The following AKNAD1 variants were observed in gnomAD, a reference collection of about 807,000 sequenced individuals.
AKNAD1 encodes AKNA domain containing 1, also known as protein AKNAD1.
AKNAD1 carries 67 observed loss-of-function variants against 90.8 expected under a neutral mutation model. The observed-to-expected ratio is 0.74, with a 90% CI of 0.61 to 0.90. The LOEUF (loss-of-function observed/expected upper bound fraction) is 0.90. Ranked by LOEUF, AKNAD1 falls within the 40% of genes least tolerant of loss-of-function variation. AKNAD1 has a pLI of 0.00. For synonymous variants in AKNAD1, 327 were observed against 341.4 expected (o/e 0.96, Z 0.46); for missense variants, 957 against 975.4 (o/e 0.98, Z 0.25).
rs761584896 is a variant in AKNAD1, at chr1:108,828,303, G to A, written c.1839-1001C>T. Among the ~76,000 whole-genome samples, 13 of 151,646 alleles carry A rather than the reference G, an allele frequency of 8.6e-5. 1 individual carries two copies. Among genetic ancestry groups the A allele is most frequent in the Admixed American group, 2.0e-4 (3 of 15,134 alleles). ...TAGTTGCACATGGCCACCAGGTGGC[G>A]TCAGAAAGAAGCAACTGCAATGGAC... On this transcript the variant is annotated intron_variant, in intron 10 of 15. Coordinates refer to ENST00000370001, the MANE Select transcript of AKNAD1 (RefSeq NM_152763.5).
intron 1 of AKNAD1, among the ~76,000 whole-genome samples, chr1:108,855,187 G>C (rs529529686): frequency 6.6e-6 from 1 of 152,214 alleles, no homozygotes; most frequent in South Asian, 2.1e-4. Flanking sequence ...GCCGAGGCAG[G>C]TGGATCACGA....
intron 14 of AKNAD1, among the ~76,000 whole-genome samples, chr1:108,819,481 G>A (rs1046058788): frequency 6.6e-6 from 1 of 150,448 alleles, no homozygotes; most frequent in African/African-American, 2.4e-5. Context: ...GTAGCTAGCT[G>A]TGGTATCACA....
chr1:108,830,523 A>G (rs765731018), intron 10 of AKNAD1, 36 bp downstream of exon 10: 5 of 1,602,828 alleles, frequency 3.1e-6, no homozygotes, highest in East Asian at 2.2e-5. Context: ...ACTGACTCCA[A>G]TCCACCCTGG....
At chr1:108,818,488 A>G (rs1489383087) in intron 14 of AKNAD1, among the ~76,000 whole-genome samples, 1 of 152,170 alleles carries the variant, frequency 6.6e-6, no homozygotes, top group Non-Finnish European at 1.5e-5. Context: ...TCCACTGTCA[A>G]CAGTATAACA....
At chr1:108,830,065 T>TG (rs972159828) in intron 10 of AKNAD1, among the ~76,000 whole-genome samples, 5 of 152,128 alleles carry the variant, frequency 3.3e-5, no homozygotes, top group African/African-American at 1.2e-4. Flanking sequence ...TTCCTGGGAC[T>TG]GGGGGGCTCA....
At chr1:108,817,412 T>A (rs185421032) in intron 14 of AKNAD1, 2 of 345,840 alleles carry the variant, frequency 5.8e-6, no homozygotes, top group Non-Finnish European at 1.0e-5. Context: ...CTCCTTTTCC[T>A]CTAGTACAGA....
chr1:108,823,645 T>C lies in AKNAD1; in HGVS notation c.1980A>G (p.Glu660=). 1 of 1,614,138 alleles carries C rather than the reference T, an allele frequency of 6.2e-7. No individual in the cohort carries two copies. Among genetic ancestry groups the C allele is most frequent in the African/African-American group, 1.3e-5 (1 of 75,014 alleles). Residue 660 remains glutamate (E), a synonymous_variant, in exon 12 of 16, where the codon GAA becomes GAG. Transcript: ENST00000370001. ...AGTCCTGACATTTGTTACTCTGCAT[T>C]TCAGTGCCAGAATCAGAACAGAAGC... ...GHSFCSDSGT[E]MQSNKCQDCG... is the part of the protein sequence containing the mutation.
intron 11 of AKNAD1, among the ~76,000 whole-genome samples, chr1:108,826,810 G>A (rs1207564798): frequency 1.4e-5 from 2 of 147,514 alleles, no homozygotes; most frequent in South Asian, 2.2e-4. Context: ...CATGATCATG[G>A]CTCACTGCAG....
intron 1 of AKNAD1, among the ~76,000 whole-genome samples, chr1:108,854,772 G>C (rs1664983792): frequency 6.6e-6 from 1 of 152,200 alleles, no homozygotes; most frequent in South Asian, 2.1e-4. Flanking sequence ...AAGGGAAAAG[G>C]CTTCCCAAGA....
In AKNAD1 at chr1:108,852,434, A is replaced by G; in HGVS notation, c.231T>C (p.Thr77=). The part of the protein sequence containing the change: ...TAVTIPLGKI[T]ENAANKKDEK... The stretch of plus-strand genomic sequence containing the variant: ...CGTCTTTTTTGTTGGCAGCATTTTC[A>G]GTAATTTTACCCAGGGGTATGGTCA... Residue 77 remains threonine (T), a synonymous_variant, in exon 2 of 16, where the codon ACT becomes ACC. Transcript: ENST00000370001. 1.2e-6 allele frequency: 2 copies of G among 1,613,792 alleles called. No homozygotes were observed. Among genetic ancestry groups the G allele is most frequent in the Non-Finnish European group, 1.7e-6 (2 of 1,179,898 alleles).
rs1416223588 is a variant in AKNAD1 at position 108,823,482 on chromosome 1, G to A, written c.2060-5C>T. On this transcript the variant is annotated splice_polypyrimidine_tract_variant and splice_region_variant and intron_variant, in intron 12 of 15. Coordinates refer to ENST00000370001, the MANE Select transcript of AKNAD1 (RefSeq NM_152763.5). ...TGTTGTATCTATAATGAAATTCTGG[G>A]AAGAAAAGATTAAAAATACAGTTAA... 2 of 1,612,826 alleles carry A rather than the reference G, an allele frequency of 1.2e-6. No homozygotes were observed. The highest frequency in any genetic ancestry group is 1.1e-5 in the South Asian group (1 of 91,064).
At chr1:108,827,139 C>T (rs1027251764) in intron 11 of AKNAD1, 66 bp downstream of exon 11, 1 of 1,192,760 alleles carries the variant, frequency 8.4e-7, no homozygotes, top group African/African-American at 1.5e-5. Flanking sequence ...CTGGTGCCTA[C>T]TGCGAGCAGA....
At chr1:108,848,540 G>C (rs1051980254) in intron 5 of AKNAD1, among the ~76,000 whole-genome samples, 2 of 152,152 alleles carry the variant, frequency 1.3e-5, no homozygotes, top group Non-Finnish European at 1.5e-5. Flanking sequence ...ATAGCCATAA[G>C]TAATAGATCC....
chr1:108,834,266 G>A (rs575483588), intron 9 of AKNAD1, among the ~76,000 whole-genome samples, 181 bp downstream of exon 9: 2 of 152,274 alleles, frequency 1.3e-5, no homozygotes, highest in Admixed American at 1.3e-4. Flanking sequence ...TCTCAGGAGT[G>A]CAGAAAGTGG....
intron 13 of AKNAD1, 196 bp downstream of exon 13, chr1:108,823,174 C>T: frequency 1.4e-6 from 1 of 719,990 alleles, no homozygotes. Flanking sequence ...TCATATTTTC[C>T]AGCCCCAGCT....
At chr1:108,823,141 C>G in intron 13 of AKNAD1, 2 of 713,130 alleles carry the variant, frequency 2.8e-6, no homozygotes, top group Non-Finnish European at 5.2e-6. Context: ...TAATAACTTT[C>G]AAAGTCCTTG....
At chr1:108,823,911 A>G (rs1663906335) in intron 11 of AKNAD1, among the ~76,000 whole-genome samples, 1 of 152,200 alleles carries the variant, frequency 6.6e-6, no homozygotes, top group Non-Finnish European at 1.5e-5. Flanking sequence ...CTTGTATGAA[A>G]ATCTCAAGAT....
chr1:108,842,776 G>A (rs1372347516), intron 6 of AKNAD1, among the ~76,000 whole-genome samples: 1 of 152,064 alleles, frequency 6.6e-6, no homozygotes, highest in East Asian at 1.9e-4. Flanking sequence ...TTGAGAAGAG[G>A]GCCCTCTGTG....
chr1:108,850,282 A>G (rs1664811216), intron 2 of AKNAD1, among the ~76,000 whole-genome samples: 1 of 152,226 alleles, frequency 6.6e-6, no homozygotes, highest in South Asian at 2.1e-4. Flanking sequence ...TATGACGGAT[A>G]TGAAACCTGC....
Sources: gnomAD v4.1 joint callset for allele counts (sites outside exome capture counted in the v4.1 genomes callset) on GRCh38, gnomAD v4.1.1 for gene constraint, MANE v1.5 for transcripts, NCBI Gene and HGNC (gene_info 2026-07-23, HGNC 2026-07-21) for gene names.